ZNF497: variants seen among roughly 807,000 people sequenced by gnomAD.
ZNF497 encodes zinc finger-like protein.
For synonymous variants in ZNF497, 422 were observed against 313.7 expected, an observed-to-expected ratio of 1.35 and a Z score of -3.65; for missense variants, 930 against 714.0, an observed-to-expected ratio of 1.30 and a Z score of -3.45.
rs2052011846 is a variant in ZNF497, at chr19:58,355,957, T to C, written c.*182A>G. 1.5e-6 allele frequency: 1 copy of C among 662,950 alleles called. No individual in the cohort carries two copies. The highest frequency in any genetic ancestry group is 1.9e-5 in the African/African-American group (1 of 52,442). The allele number at this position is 662,950 out of a possible 1,614,324, so 41.1% of individuals were successfully genotyped here. On this transcript the variant is annotated 3_prime_UTR_variant, in exon 3 of 3. Transcript: ENST00000311044. ...TCCCCAGACAGGCCTGGGTGGCCGG[T>C]GGACTATCGTCAAAGGGACTGTGCA... is the stretch of plus-strand genomic sequence containing the variant.
At chr19:58,360,767 C>CTTTTTTTTTTT (rs551580074) in intron 1 of ZNF497, among the ~76,000 whole-genome samples, 1 of 34,476 alleles carries the variant, frequency 2.9e-5, no homozygotes, top group African/African-American at 1.2e-4. Flanking sequence ...GTCCCGAACT[C>CTTTTTTTTTTT]TTTTTTTTTT....
At position 58,356,022 on chromosome 19, in the gene ZNF497, A is replaced by C; in HGVS notation, c.*117T>G. ...CACCCAAGGCCGCCCCTGCACTCCC[A>C]GCAGGAGGGCGCCCGCACCGGCGGC... On this transcript the variant is annotated 3_prime_UTR_variant, in exon 3 of 3. Transcript: ENST00000311044. 8.1e-7 allele frequency: 1 copy of C among 1,241,308 alleles called. No individual in the cohort carries two copies. Among genetic ancestry groups the C allele is most frequent in the Non-Finnish European group, 1.1e-6 (1 of 926,820 alleles). The allele number at this position is 1,241,308 out of a possible 1,614,324, so 76.9% of individuals were successfully genotyped here.
rs1370990992 is a variant in ZNF497 at position 58,357,342 on chromosome 19, C to T, written c.294G>A (p.Ser98=). 7 of 1,598,336 alleles carry T rather than the reference C, an allele frequency of 4.4e-6. No individual in the cohort carries two copies. Among genetic ancestry groups the T allele is most frequent in the East Asian group, 2.3e-5 (1 of 44,180 alleles). The change falls in exon 3 of 3, where the codon TCG becomes TCA. Residue 98 remains serine (S), a synonymous_variant. Coordinates refer to ENST00000311044, the MANE Select transcript of ZNF497 (RefSeq NM_198458.3). ...SEPADRALRP[S]PLPEEPGCRC... ...GGCAGCCCGGCTCCTCTGGGAGAGG[C>T]GAAGGGCGCAACGCCCGGTCTGCAG...
At chr19:58,358,807 C>T (rs10410486) in intron 1 of ZNF497, 2 of 457,714 alleles carry the variant, frequency 4.4e-6, no homozygotes, top group South Asian at 3.1e-5. Context: ...CCCCCAGGCC[C>T]TCTCAGCCAC....
intron 2 of ZNF497, 76 bp downstream of exon 2, chr19:58,358,413 C>T (rs1002593331): frequency 1.6e-5 from 19 of 1,155,398 alleles, no homozygotes; most frequent in Non-Finnish European, 2.0e-5. Context: ...TTGCCCTGAG[C>T]ACCTTATCAT....
At chr19:58,358,185 G>A (rs1418736418) in intron 2 of ZNF497, 2 of 1,290,236 alleles carry the variant, frequency 1.6e-6, no homozygotes, top group Non-Finnish European at 1.0e-6. Flanking sequence ...TGTCCAGGCT[G>A]GAGGATCTCA....
intron 1 of ZNF497, among the ~76,000 whole-genome samples, chr19:58,360,692 C>CTTATTTTATTTTATTTTATT (rs749757933): frequency 6.8e-6 from 1 of 146,672 alleles, no homozygotes; most frequent in African/African-American, 2.5e-5. Flanking sequence ...TCAGGCCTGG[C>CTTATTTTATTTTATTTTATT]TTATTTTATT....
chr19:58,359,045 TC>T, intron 1 of ZNF497: 1 of 558,546 alleles, frequency 1.8e-6, no homozygotes, highest in Non-Finnish European at 3.2e-6. Context: ...CACCAAGAGC[TC>T]CAGCATCTGC....
intron 1 of ZNF497, chr19:58,359,548 TCCCTG>T (rs934727358): frequency 3.4e-5 from 15 of 444,330 alleles, no homozygotes; most frequent in Admixed American, 1.7e-4. Flanking sequence ...TTCTTGAGGG[TCCCTG>T]CCCTGCCCTG....
chr19:58,358,116 T>A (rs1049957591), intron 2 of ZNF497: 28 of 1,272,156 alleles, frequency 2.2e-5, no homozygotes, highest in Admixed American at 1.2e-4. Flanking sequence ...TATGTCTGCC[T>A]CACCCACTCC....
rs757504338 is a variant in ZNF497, at chr19:58,359,178, T to G, written c.-111-593A>C. ...CCCCAGAAGCACTGGCCAGGGCTCT[T>G]GGAGCTGGGCTCACCCACCATCAGT... On this transcript the variant is annotated intron_variant, in intron 1 of 2. Coordinates refer to ENST00000311044, the MANE Select transcript of ZNF497 (RefSeq NM_198458.3). 9.3e-6 allele frequency: 12 copies of G among 1,291,134 alleles called. No homozygotes were observed. The East Asian group carries it at 3.3e-4, about 36-fold the overall frequency. 80.0% of individuals were successfully genotyped at this position (1,291,134 alleles called of 1,614,324 possible).
intron 2 of ZNF497, 72 bp downstream of exon 2, chr19:58,358,417 T>G: frequency 8.7e-7 from 1 of 1,155,594 alleles, no homozygotes; most frequent in Admixed American, 3.1e-5. Context: ...CCTGAGCACC[T>G]TATCATCCTT....
At chr19:58,360,143 T>G (rs990193904) in intron 1 of ZNF497, among the ~76,000 whole-genome samples, 1 of 152,086 alleles carries the variant, frequency 6.6e-6, no homozygotes, top group Non-Finnish European at 1.5e-5. Flanking sequence ...AGAAAGTAGA[T>G]CAGCGGTTGC....
At position 58,357,208 on chromosome 19, in the gene ZNF497, A is replaced by T; in HGVS notation, c.428T>A (p.Phe143Tyr). Residue 143 changes from phenylalanine to tyrosine, a missense_variant, in exon 3 of 3, where the codon TTC becomes TAC. Transcript: ENST00000311044. ...PYTCPECGKA[F>Y]AWSSNLSQHQ... ...CTGGCTGAGGTTGGAGCTCCAGGCG[A>T]AGGCCTTGCCGCACTCGGGGCACGT... 6.2e-7 allele frequency: 1 copy of T among 1,613,106 alleles called. No homozygotes were observed. Among genetic ancestry groups the T allele is most frequent in the East Asian group, 2.2e-5 (1 of 44,848 alleles).
Position 58,356,977 on chromosome 19 carries a change from C to A in ZNF497, c.659G>T (p.Cys220Phe). Residue 220 changes from cysteine to phenylalanine, a missense_variant, in exon 3 of 3, where the codon TGC becomes TTC. Transcript: ENST00000311044. Reference sequence around the variant, plus strand: ...GCTGAAGGCCTTGCCGCACTCCGGGCACTCGTAGGGCTTCTCGCCCGTGTG... The same window carrying A: ...GCTGAAGGCCTTGCCGCACTCCGGGAACTCGTAGGGCTTCTCGCCCGTGTG... Reference protein sequence around the residue: ...RTHTGEKPYECPECGKAFSWN... With the variant: ...RTHTGEKPYEFPECGKAFSWN... The A allele has an allele frequency of 6.2e-7, 1 of 1,608,332 alleles. No individual in the cohort carries two copies.
In ZNF497 at chr19:58,356,007, C is replaced by A. The variant is rs1021769681; in HGVS notation, c.*132G>T. On this transcript the variant is annotated 3_prime_UTR_variant, in exon 3 of 3. Transcript: ENST00000311044. Reference sequence around the variant, plus strand: ...AGCCAGGGTTCTCCACACCCAAGGCCGCCCCTGCACTCCCAGCAGGAGGGC... The same window carrying A: ...AGCCAGGGTTCTCCACACCCAAGGCAGCCCCTGCACTCCCAGCAGGAGGGC... 9.5e-7 allele frequency: 1 copy of A among 1,054,884 alleles called. No homozygotes were observed. Among genetic ancestry groups the A allele is most frequent in the Non-Finnish European group, 1.3e-6 (1 of 758,800 alleles). The allele number at this position is 1,054,884 out of a possible 1,614,324, so 65.3% of individuals were successfully genotyped here. A position where few individuals can be genotyped will look rare whatever the true frequency, so the allele number is the denominator to read the frequency against.
At chr19:58,357,910 G>C (rs1277875786) in intron 2 of ZNF497, 6 of 1,368,424 alleles carry the variant, frequency 4.4e-6, no homozygotes, top group Non-Finnish European at 5.7e-6. Context: ...AGGAGGGGAG[G>C]GGGCGCCAGC....
chr19:58,356,333 G>T lies in ZNF497; in HGVS notation c.1303C>A (p.Leu435Met). 2 of 1,572,170 alleles carry T rather than the reference G, an allele frequency of 1.3e-6. No individual in the cohort carries two copies. Among genetic ancestry groups the T allele is most frequent in the East Asian group, 2.3e-5 (1 of 42,910 alleles). Reference sequence around the variant, plus strand: ...ACGAACGGCCTCTCGCCAGAGTGCAGGCGCTGGTGCTGGCGCAGCTCGGAG... The same window carrying T: ...ACGAACGGCCTCTCGCCAGAGTGCATGCGCTGGTGCTGGCGCAGCTCGGAG... The part of the protein sequence containing the change: ...GSSELRQHQR[L>M]HSGERPFVCA... The change falls in exon 3 of 3, where the codon CTG (leucine) becomes ATG (methionine). Residue 435 changes from leucine (L) to methionine (M), a missense_variant. By Grantham distance (15) the Leu-to-Met change is conservative. Transcript: ENST00000311044.
At chr19:58,358,228 C>T (rs1361002593) in intron 2 of ZNF497, 2 of 1,289,908 alleles carry the variant, frequency 1.6e-6, no homozygotes, top group South Asian at 2.5e-5. Context: ...CCACACCAGG[C>T]CTCTGTGCAG....
Sources: gnomAD v4.1 joint callset for allele counts (sites outside exome capture counted in the v4.1 genomes callset) on GRCh38, gnomAD v4.1.1 for gene constraint, MANE v1.5 for transcripts, NCBI Gene and HGNC (gene_info 2026-07-23, HGNC 2026-07-21) for gene names.